PALLD: variants seen among roughly 807,000 people sequenced by gnomAD.
PALLD encodes palladin, cytoskeletal associated protein, also known as palladin.
A neutral mutation model predicts 123.5 loss-of-function variants in PALLD; 61 were observed. The observed-to-expected ratio is 0.49, with a 90% CI of 0.40 to 0.61. The LOEUF (loss-of-function observed/expected upper bound fraction) is 0.61, where lower values mean the gene tolerates loss of function less well. PALLD is among the 20% of genes least tolerant of loss of function. The probability of loss-of-function intolerance (pLI) is 0.00; values close to 1 mark genes in which losing one functional copy is unlikely to be tolerated. For missense variants in PALLD, 1,273 were observed against 1,377.0 expected, an observed-to-expected ratio of 0.92 and a Z score of 1.20; for synonymous variants, 465 against 496.4, an observed-to-expected ratio of 0.94 and a Z score of 0.84.
chr4:168,810,794 G>A (rs369268912), intron 10 of PALLD, among the ~76,000 whole-genome samples: 7 of 146,680 alleles, frequency 4.8e-5, no homozygotes, highest in East Asian at 4.0e-4. Flanking sequence ...CGGCCTGGGC[G>A]ACAGAGCGAG....
chr4:168,680,511 C>T (rs934525649), intron 3 of PALLD, among the ~76,000 whole-genome samples: 5 of 88,666 alleles, frequency 5.6e-5, no homozygotes, highest in Non-Finnish European at 9.3e-5. Flanking sequence ...AAAAAAAAAA[C>T]ACTTATCTGG....
intron 2 of PALLD, among the ~76,000 whole-genome samples, chr4:168,659,712 T>C (rs1245804995): frequency 6.6e-6 from 1 of 152,256 alleles, no homozygotes; most frequent in Non-Finnish European, 1.5e-5. Flanking sequence ...TTAGCCAAGA[T>C]TCACTGATGA....
chr4:168,626,054 G>A (rs1166398733), intron 2 of PALLD, among the ~76,000 whole-genome samples: 1 of 151,502 alleles, frequency 6.6e-6, no homozygotes, highest in Non-Finnish European at 1.5e-5. Context: ...ACGAGGTCAG[G>A]AGATCGAGAC....
At chr4:168,687,550 C>T (rs1782194048) in intron 6 of PALLD, among the ~76,000 whole-genome samples, 1 of 152,176 alleles carries the variant, frequency 6.6e-6, no homozygotes, top group African/African-American at 2.4e-5. Flanking sequence ...CAACACGCCT[C>T]TTGGTTTAAA....
chr4:168,541,463 A>G (rs1765607102), intron 2 of PALLD, among the ~76,000 whole-genome samples: 1 of 150,396 alleles, frequency 6.6e-6, no homozygotes, highest in Non-Finnish European at 1.5e-5. Context: ...TTATTTATTT[A>G]TTTATTTATT....
At chr4:168,717,328 T>G (rs1785458525) in intron 10 of PALLD, among the ~76,000 whole-genome samples, 1 of 152,026 alleles carries the variant, frequency 6.6e-6, no homozygotes. Flanking sequence ...TTGATCTGCC[T>G]AACGTTCTTT....
chr4:168,810,335 T>C (rs1349721327), intron 10 of PALLD, among the ~76,000 whole-genome samples: 10 of 152,138 alleles, frequency 6.6e-5, no homozygotes, highest in Non-Finnish European at 1.5e-4. Context: ...AAGGAGCCCA[T>C]TGACAAGAGG....
chr4:168,502,087 C>T (rs149838336), intron 1 of PALLD, among the ~76,000 whole-genome samples: 9 of 152,218 alleles, frequency 5.9e-5, no homozygotes, highest in South Asian at 2.1e-4. Flanking sequence ...CAGCTATGTC[C>T]CTGGCCTATG....
At chr4:168,870,629 G>A (rs1750950372) in intron 10 of PALLD, among the ~76,000 whole-genome samples, 1 of 152,184 alleles carries the variant, frequency 6.6e-6, no homozygotes, top group African/African-American at 2.4e-5. Flanking sequence ...CAGTGTCTTT[G>A]AAATCAGGTT....
chr4:168,791,320 G>A (rs1737491559), intron 10 of PALLD, among the ~76,000 whole-genome samples: 1 of 152,192 alleles, frequency 6.6e-6, no homozygotes, highest in Non-Finnish European at 1.5e-5. Flanking sequence ...CTGGGACCCT[G>A]TATTACTCTG....
intron 2 of PALLD, among the ~76,000 whole-genome samples, chr4:168,614,412 A>G (rs1774023878): frequency 6.6e-6 from 1 of 151,452 alleles, no homozygotes; most frequent in South Asian, 2.1e-4. Flanking sequence ...GGCCTAGTCA[A>G]TGTTTTTTTG....
chr4:168,816,408 TA>T (rs760118452), intron 10 of PALLD, among the ~76,000 whole-genome samples: 2,381 of 142,630 alleles, frequency 0.017, 33 homozygotes, highest in East Asian at 0.039. Flanking sequence ...TATATATATA[TA>T]TATATTTTTT....
chr4:168,773,438 A>G (rs1734724416), intron 10 of PALLD, among the ~76,000 whole-genome samples: 1 of 152,192 alleles, frequency 6.6e-6, no homozygotes, highest in Non-Finnish European at 1.5e-5. Flanking sequence ...TAAAGTTTAT[A>G]AGTTTAGAAA....
chr4:168,926,216 A>C lies in PALLD; in HGVS notation c.*36A>C. The C allele has an allele frequency of 6.5e-6, 10 of 1,530,376 alleles. No individual in the cohort carries two copies. The highest frequency in any genetic ancestry group is 8.8e-6 in the Non-Finnish European group (10 of 1,142,746). 94.8% of individuals were successfully genotyped at this position (1,530,376 alleles called of 1,614,324 possible). A position where few individuals can be genotyped will look rare whatever the true frequency, so the allele number is the denominator to read the frequency against. On this transcript the variant is annotated 3_prime_UTR_variant, in exon 22 of 22. Transcript: ENST00000505667. ...AATTTACTCTTTTTCTTTGTAGCCC[A>C]GTGGCATCAGCAGTCACAGAGCACC... is the stretch of plus-strand genomic sequence containing the variant.
intron 2 of PALLD, among the ~76,000 whole-genome samples, chr4:168,650,572 A>G (rs1409667145): frequency 6.6e-6 from 1 of 152,228 alleles, no homozygotes; most frequent in Non-Finnish European, 1.5e-5. Flanking sequence ...TTTTGTGAGT[A>G]AATTAAGCAC....
chr4:168,598,527 T>C, intron 2 of PALLD: 2 of 410,930 alleles, frequency 4.9e-6, no homozygotes, highest in Non-Finnish European at 9.7e-6. Flanking sequence ...TGCAAAGATG[T>C]TAACAGAGAG....
chr4:168,605,569 A>T (rs573993573), intron 2 of PALLD, among the ~76,000 whole-genome samples: 1 of 152,208 alleles, frequency 6.6e-6, no homozygotes, highest in Non-Finnish European at 1.5e-5. Context: ...ACTGTGATCA[A>T]TGTTGGTCAG....
chr4:168,794,170 G>T (rs558836916), intron 10 of PALLD, among the ~76,000 whole-genome samples: 9 of 152,204 alleles, frequency 5.9e-5, no homozygotes, highest in Non-Finnish European at 1.0e-4. Flanking sequence ...GGATGGTCCT[G>T]TGGATGGAGT....
At chr4:168,584,914 C>G (rs1194755063) in intron 2 of PALLD, among the ~76,000 whole-genome samples, 1 of 152,206 alleles carries the variant, frequency 6.6e-6, no homozygotes, top group Non-Finnish European at 1.5e-5. Context: ...CCCATGCACA[C>G]ACACATGAAG....
Sources: allele counts gnomAD v4.1 joint callset (sites outside exome capture counted in the v4.1 genomes callset), GRCh38; gene constraint gnomAD v4.1.1; transcripts MANE v1.5; gene names NCBI Gene and HGNC (gene_info 2026-07-23, HGNC 2026-07-21).